IARS1: variants seen among roughly 807,000 people sequenced by gnomAD.
IARS1 encodes isoleucine--tRNA ligase, cytoplasmic.
In IARS1, 124 loss-of-function variants were observed where a neutral mutation model predicts 168.2. The ratio of observed to expected loss-of-function variants is 0.74; its 90% CI spans 0.64 to 0.86. The LOEUF (loss-of-function observed/expected upper bound fraction) is 0.86, where lower values mean the gene tolerates loss of function less well. IARS1 is among the 40% of genes least tolerant of loss of function. IARS1 has a pLI of 0.00. For synonymous variants in IARS1, 532 were observed against 529.4 expected, an observed-to-expected ratio of 1.00 and a Z score of -0.07; for missense variants, 1,452 against 1,515.8, an observed-to-expected ratio of 0.96 and a Z score of 0.70.
intron 30 of IARS1, among the ~76,000 whole-genome samples, chr9:92,240,114 C>T (rs1325660866): frequency 2.0e-5 from 3 of 152,126 alleles, no homozygotes; most frequent in Non-Finnish European, 4.4e-5. Flanking sequence ...TGCTTTCTTC[C>T]TTACATCTTT....
At chr9:92,243,534 G>T (rs1828752695) in intron 27 of IARS1, 2 of 419,928 alleles carry the variant, frequency 4.8e-6, no homozygotes, top group South Asian at 2.5e-5. Context: ...TTTGTTTCTT[G>T]TTTTTTTGTA....
At chr9:92,228,040 G>A (rs1014544981) in intron 31 of IARS1, among the ~76,000 whole-genome samples, 5 of 152,120 alleles carry the variant, frequency 3.3e-5, no homozygotes, top group Non-Finnish European at 5.9e-5. Context: ...CTCCAGCCTG[G>A]GCACCATTGA....
At chr9:92,272,864 C>CAAAAAAAAAAAAAAA (rs869076663) in intron 10 of IARS1, among the ~76,000 whole-genome samples, 84 of 56,772 alleles carry the variant, frequency 1.5e-3, no homozygotes, top group Middle Eastern at 0.015. Context: ...CAAAACAAAA[C>CAAAAAAAAAAAAAAA]AAAAAAAAAA....
Position 92,251,811 on chromosome 9 carries a change from A to G in IARS1, c.2304T>C (p.Leu768=). The change falls in exon 22 of 34, where the codon CTT becomes CTC. Residue 768 remains leucine, a synonymous_variant. Transcript: ENST00000443024. ...LFSVLLSLCR[L]MAPYTPFLTE... ...AGAAAGAAGCCAATCATCTTACCATAAGTCTGCAAAGAGAAAGCAGAACAC... is the reference window on the plus strand; with the variant it reads ...AGAAAGAAGCCAATCATCTTACCATGAGTCTGCAAAGAGAAAGCAGAACAC... The G allele has an allele frequency of 6.2e-7, 1 of 1,612,946 alleles. No homozygotes were observed. The highest frequency in any genetic ancestry group is 8.5e-7 in the Non-Finnish European group (1 of 1,178,886).
intron 28 of IARS1, chr9:92,242,586 A>T: frequency 2.3e-6 from 1 of 440,330 alleles, no homozygotes; most frequent in Non-Finnish European, 4.0e-6. Context: ...GAATGTTGAA[A>T]CCAAGAAATT....
intron 1 of IARS1, among the ~76,000 whole-genome samples, chr9:92,289,737 C>A (rs1021644327): frequency 5.3e-5 from 8 of 152,188 alleles, no homozygotes; most frequent in Admixed American, 2.6e-4. Flanking sequence ...AACGATTTAT[C>A]TTCTTTCTGT....
intron 30 of IARS1, among the ~76,000 whole-genome samples, chr9:92,230,008 C>G (rs531745377): frequency 8.3e-4 from 99 of 119,356 alleles, no homozygotes; most frequent in South Asian, 4.5e-3. Flanking sequence ...CCCTGGCAAA[C>G]AGTCTCCATT....
At chr9:92,293,054 C>T (rs941717972) in intron 1 of IARS1, among the ~76,000 whole-genome samples, 6 of 152,134 alleles carry the variant, frequency 3.9e-5, no homozygotes, top group African/African-American at 1.4e-4. Flanking sequence ...CCTCTAAATC[C>T]ATTTCTGTTT....
chr9:92,272,391 G>A (rs1178357950), intron 10 of IARS1, among the ~76,000 whole-genome samples: 1 of 152,226 alleles, frequency 6.6e-6, no homozygotes, highest in Non-Finnish European at 1.5e-5. Context: ...ACCACTGAGT[G>A]TGGAGCAAGT....
At chr9:92,264,878 T>A (rs1364891562) in intron 16 of IARS1, 51 bp downstream of exon 16, 2 of 1,496,038 alleles carry the variant, frequency 1.3e-6, no homozygotes, top group Non-Finnish European at 1.8e-6. Flanking sequence ...AAATACTCCC[T>A]AAATAAAATA....
At chr9:92,274,371 A>G in intron 10 of IARS1, 55 bp downstream of exon 10, 1 of 1,370,198 alleles carries the variant, frequency 7.3e-7, no homozygotes, top group South Asian at 1.2e-5. Flanking sequence ...CTCCGCATCT[A>G]TGAAAAGTGG....
At chr9:92,218,962 A>C (rs1216375118) in intron 33 of IARS1, among the ~76,000 whole-genome samples, 2 of 152,238 alleles carry the variant, frequency 1.3e-5, no homozygotes. Context: ...CCGCAACGCC[A>C]AGTCAATCCT....
At chr9:92,268,826 C>CA (rs1205679032) in intron 13 of IARS1, among the ~76,000 whole-genome samples, 22 of 151,900 alleles carry the variant, frequency 1.4e-4, no homozygotes, top group Admixed American at 1.4e-3. Context: ...CTCTGACACG[C>CA]AGCCTGCCTG....
chr9:92,263,715 G>C (rs1304010953), intron 16 of IARS1, among the ~76,000 whole-genome samples: 1 of 152,168 alleles, frequency 6.6e-6, no homozygotes, highest in Non-Finnish European at 1.5e-5. Context: ...GAGGAGCCCT[G>C]GTGCCCAGGA....
chr9:92,224,296 A>T (rs1363859002), intron 31 of IARS1, among the ~76,000 whole-genome samples: 1 of 152,180 alleles, frequency 6.6e-6, no homozygotes, highest in Non-Finnish European at 1.5e-5. Flanking sequence ...GGTAGCCCTG[A>T]AGAATAGTGA....
chr9:92,215,281 T>C (rs1208971740), intron 33 of IARS1, among the ~76,000 whole-genome samples: 1 of 152,018 alleles, frequency 6.6e-6, no homozygotes, highest in Non-Finnish European at 1.5e-5. Flanking sequence ...TACGTCACCA[T>C]CATCAAAGAC....
intron 10 of IARS1, among the ~76,000 whole-genome samples, chr9:92,272,859 C>CA (rs71362376): frequency 3.0e-5 from 1 of 33,832 alleles, no homozygotes; most frequent in African/African-American, 1.5e-4. Context: ...TCAAACAAAA[C>CA]AAAACAAAAA....
At position 92,280,788 on chromosome 9, in the gene IARS1, C is replaced by A; in HGVS notation, c.703G>T (p.Ala235Ser). The change falls in exon 7 of 34, where the codon GCT (alanine) becomes TCT (serine). Residue 235 changes from alanine to serine, a missense_variant. Coordinates refer to ENST00000443024, the MANE Select transcript of IARS1 (RefSeq NM_002161.6). ...TTPWTLPSNL[A>S]VCVNPEMQYV... is the part of the protein sequence containing the mutation. ...TGCATTTCTGGATTAACACACACAG[C>A]AAGGTTACTAGGTAGAGTCCAGGGA... 3.7e-6 allele frequency: 6 copies of A among 1,612,490 alleles called. No individual in the cohort carries two copies. Among genetic ancestry groups the A allele is most frequent in the Non-Finnish European group, 5.1e-6 (6 of 1,178,904 alleles).
intron 22 of IARS1, among the ~76,000 whole-genome samples, chr9:92,251,446 A>G (rs908092840): frequency 1.3e-5 from 2 of 152,150 alleles, no homozygotes; most frequent in African/African-American, 4.8e-5. Context: ...ATATATATAT[A>G]TTTACTCAGA....
Sources: gnomAD v4.1 joint callset for allele counts (sites outside exome capture counted in the v4.1 genomes callset) on GRCh38, gnomAD v4.1.1 for gene constraint, MANE v1.5 for transcripts, NCBI Gene and HGNC (gene_info 2026-07-23, HGNC 2026-07-21) for gene names.